Variants in ZNF227 observed in about 807,000 individuals in gnomAD.
ZNF227 encodes zinc finger protein 227.
Under a neutral mutation model 13.2 loss-of-function variants are expected in ZNF227, and 12 were observed. That is an observed-to-expected ratio of 0.91 (90% CI 0.58 to 1.47). The LOEUF (loss-of-function observed/expected upper bound fraction) is 1.47. ZNF227 is among the 40% of genes most tolerant of loss of function. The pLI is 0.00. For synonymous variants in ZNF227, 338 were observed against 326.0 expected, an observed-to-expected ratio of 1.04 and a Z score of -0.40; for missense variants, 885 against 967.5, an observed-to-expected ratio of 0.91 and a Z score of 1.13.
intron 5 of ZNF227, among the ~76,000 whole-genome samples, chr19:44,234,053 G>A (rs1568613427): frequency 6.6e-6 from 1 of 152,164 alleles, no homozygotes; most frequent in Non-Finnish European, 1.5e-5. Flanking sequence ...AAGTTTCCAA[G>A]CTGAACATAC....
intron 4 of ZNF227, chr19:44,228,859 G>A (rs934253153): frequency 4.7e-6 from 2 of 425,278 alleles, no homozygotes; most frequent in Non-Finnish European, 8.2e-6. Flanking sequence ...TTGGCATTTT[G>A]TGGGTAGTAT....
intron 4 of ZNF227, 168 bp downstream of exon 4, chr19:44,228,740 C>G: frequency 2.5e-6 from 2 of 796,308 alleles, no homozygotes; most frequent in Non-Finnish European, 3.5e-6. Context: ...TCTGCTCAGG[C>G]AAAATTCTGT....
chr19:44,226,446 T>C (rs994979795), intron 3 of ZNF227, among the ~76,000 whole-genome samples: 44 of 152,230 alleles, frequency 2.9e-4, no homozygotes, highest in African/African-American at 1.1e-3. Context: ...GCTTCCAGGC[T>C]GCTTTGTTTA....
At chr19:44,222,465 A>C in intron 3 of ZNF227, among the ~76,000 whole-genome samples, 1 of 151,100 alleles carries the variant, frequency 6.6e-6, no homozygotes, top group African/African-American at 2.4e-5. Context: ...GTTCTCCTTG[A>C]AGAGGTCCTT....
At chr19:44,208,818 A>G (rs963338880), upstream of ZNF227, among the ~76,000 whole-genome samples, 2 of 152,216 alleles carry the variant, frequency 1.3e-5, no homozygotes, top group African/African-American at 4.8e-5. Flanking sequence ...TAGAGTCTAT[A>G]TTCTCCTTAT....
chr19:44,234,092 C>G (rs1974155261), intron 5 of ZNF227, among the ~76,000 whole-genome samples: 1 of 152,274 alleles, frequency 6.6e-6, no homozygotes, highest in African/African-American at 2.4e-5. Flanking sequence ...TCTGTGTTGG[C>G]TTTGAGAGTT....
At chr19:44,223,324 G>A (rs1161538902) in intron 3 of ZNF227, among the ~76,000 whole-genome samples, 1 of 152,188 alleles carries the variant, frequency 6.6e-6, no homozygotes, top group East Asian at 1.9e-4. Context: ...GATTGGAATA[G>A]TTTCAGAAGG....
At chr19:44,209,196 C>T (rs1971283116), upstream of ZNF227, among the ~76,000 whole-genome samples, 1 of 152,188 alleles carries the variant, frequency 6.6e-6, no homozygotes, top group Non-Finnish European at 1.5e-5. Flanking sequence ...CCCAAACATG[C>T]ACATACAGAA....
intron 3 of ZNF227, among the ~76,000 whole-genome samples, chr19:44,219,671 G>T (rs1185208569): frequency 6.6e-6 from 1 of 151,882 alleles, no homozygotes; most frequent in Non-Finnish European, 1.5e-5. Flanking sequence ...TGCTTGTACT[G>T]TTGCATGAAG....
intron 3 of ZNF227, among the ~76,000 whole-genome samples, chr19:44,220,514 C>T (rs1972381166): frequency 6.6e-6 from 1 of 151,936 alleles, no homozygotes; most frequent in African/African-American, 2.4e-5. Context: ...ATACCGATCA[C>T]AGTATCCACA....
intron 5 of ZNF227, 50 bp from the exon 6 acceptor site, chr19:44,234,652 A>G: frequency 6.8e-7 from 1 of 1,476,912 alleles, no homozygotes; most frequent in South Asian, 1.4e-5. Context: ...TTCTGAAGAA[A>G]GCATTTACTG....
At chr19:44,219,633 A>G (rs1972240753) in intron 3 of ZNF227, among the ~76,000 whole-genome samples, 1 of 152,056 alleles carries the variant, frequency 6.6e-6, no homozygotes, top group Admixed American at 6.6e-5. Flanking sequence ...ACTGAGTCCT[A>G]TTTAGCCGGG....
Position 44,236,273 on chromosome 19 carries a change from C to G in ZNF227, c.1843C>G (p.Gln615Glu), listed in dbSNP as rs758564750. The change falls in exon 6 of 6, where the codon CAG becomes GAG. Residue 615 changes from glutamine to glutamate, a missense_variant. Coordinates refer to ENST00000313040, the MANE Select transcript of ZNF227 (RefSeq NM_182490.3). ...TGAGCAGTGTGATAAGAGCTTCAGT[C>G]AGGCCATAGATTTTCGGGTACATCA... is the stretch of plus-strand genomic sequence containing the variant. The part of the protein sequence containing the change: ...KCEQCDKSFS[Q>E]AIDFRVHQRV... 2.5e-6 allele frequency: 4 copies of G among 1,613,896 alleles called. No homozygotes were observed. The Admixed American group carries it at 6.7e-5, about 27-fold the overall frequency.
intron 5 of ZNF227, among the ~76,000 whole-genome samples, chr19:44,230,538 C>A (rs1973673086): frequency 6.6e-6 from 1 of 152,132 alleles, no homozygotes; most frequent in Non-Finnish European, 1.5e-5. Flanking sequence ...AAGTTCCCTT[C>A]TCTTCCATGG....
Position 44,216,021 on chromosome 19 carries a change from TAA to T in ZNF227, c.-2-1753_-2-1752del, listed in dbSNP as rs11325106. Among the ~76,000 whole-genome samples, 773 of 107,926 alleles carry T rather than the reference TAA, an allele frequency of 7.2e-3. 6 individuals are homozygous for T. The highest frequency in any genetic ancestry group is 0.013 in the Middle Eastern group (2 of 158). The allele number at this position is 107,926 out of a possible 152,430, so 70.8% of individuals were successfully genotyped here. On this transcript the variant is annotated intron_variant, in intron 2 of 5. Transcript: ENST00000313040. ...AAAAAAAAAAAAAAAGATGTACCTTTAAAAAAAAAAAAAAAAAAGCTATGTTT... is the reference window on the plus strand; with the variant it reads ...AAAAAAAAAAAAAAAGATGTACCTTTAAAAAAAAAAAAAAAAGCTATGTTT...
Position 44,235,890 on chromosome 19 carries a change from C to G in ZNF227, c.1460C>G (p.Thr487Arg), listed in dbSNP as rs150352110. 3.1e-6 allele frequency: 5 copies of G among 1,613,726 alleles called. No individual in the cohort carries two copies. Among genetic ancestry groups the G allele is most frequent in the Non-Finnish European group, 2.5e-6 (3 of 1,179,976 alleles). Residue 487 changes from threonine (T) to arginine (R), a missense_variant, in exon 6 of 6, where the codon ACG (threonine) becomes AGG (arginine). By Grantham distance (71) the Thr-to-Arg change is moderately conservative. Coordinates refer to ENST00000313040, the MANE Select transcript of ZNF227 (RefSeq NM_182490.3). ...CTGCATATTCATTTCAGAGTTCACA[C>G]GGGAGAGAAACCCTATAAATGTAAG... ...TDLHIHFRVH[T>R]GEKPYKCKEC...
chr19:44,213,852 C>T (rs992618248), intron 2 of ZNF227: 2 of 152,188 alleles, frequency 1.3e-5, no homozygotes, highest in Admixed American at 6.5e-5. Context: ...TAATTTCATT[C>T]CATGTCAAAA....
chr19:44,229,469 G>A (rs948020289), intron 4 of ZNF227, among the ~76,000 whole-genome samples: 5 of 152,086 alleles, frequency 3.3e-5, no homozygotes, highest in Non-Finnish European at 5.9e-5. Flanking sequence ...AAAATTAGCC[G>A]GGTGTGGTGG....
chr19:44,222,167 C>T (rs1972593556), intron 3 of ZNF227, among the ~76,000 whole-genome samples: 5 of 151,700 alleles, frequency 3.3e-5, no homozygotes, highest in Admixed American at 2.0e-4. Context: ...TTACTGTAGC[C>T]TTGTAGTATA....
Sources: gnomAD v4.1 joint callset for allele counts (sites outside exome capture counted in the v4.1 genomes callset) on GRCh38, gnomAD v4.1.1 for gene constraint, MANE v1.5 for transcripts, NCBI Gene and HGNC (gene_info 2026-07-23, HGNC 2026-07-21) for gene names.